Variants in RTTN observed in about 807,000 individuals in gnomAD.
The protein encoded by RTTN is rotatin.
A neutral mutation model predicts 269.2 loss-of-function variants in RTTN; 182 were observed. The ratio of observed to expected loss-of-function variants is 0.68; its 90% CI spans 0.60 to 0.76. RTTN has a LOEUF of 0.76. RTTN is among the 30% of genes least tolerant of loss of function. The pLI, the probability that RTTN is intolerant of heterozygous loss-of-function variation, is 0.00. For missense variants in RTTN, 2,545 were observed against 2,608.6 expected (o/e 0.98, Z 0.53); for synonymous variants, 1,006 against 963.5 (o/e 1.04, Z -0.82).
intron 10 of RTTN, among the ~76,000 whole-genome samples, chr18:70,185,990 A>G (rs767188414): frequency 2.0e-5 from 3 of 152,054 alleles, no homozygotes; most frequent in Non-Finnish European, 4.4e-5. Context: ...AAAATTACAA[A>G]AGATGCTCAT....
intron 43 of RTTN, 129 bp downstream of exon 43, chr18:70,028,595 C>A: frequency 1.8e-6 from 1 of 559,638 alleles, no homozygotes; most frequent in Non-Finnish European, 3.1e-6. Context: ...GTTTAAGGAC[C>A]AATCAACTGT....
rs751344541 is a variant in RTTN at position 70,145,778 on chromosome 18, C to T, written c.2315G>A (p.Arg772His). ...RLLLVKKPSV[R>H]SLALKLLAFH... ...TGCTAAAAGCTTTAATGCTAGCGAA[C>T]GGACCCTGAGAACACAAAGTACTTA... The change falls in exon 18 of 49, where the codon CGT (arginine) becomes CAT (histidine). Residue 772 changes from arginine to histidine, a missense_variant. Transcript: ENST00000640769. 5.6e-6 allele frequency: 9 copies of T among 1,604,658 alleles called. No homozygotes were observed. The highest frequency in any genetic ancestry group is 6.8e-6 in the Non-Finnish European group (8 of 1,176,932).
At chr18:70,170,240 G>C (rs1216774385) in intron 11 of RTTN, among the ~76,000 whole-genome samples, 1 of 152,162 alleles carries the variant, frequency 6.6e-6, no homozygotes, top group African/African-American at 2.4e-5. Context: ...CTATATGCCA[G>C]GTACCTCTCC....
chr18:70,059,846 T>G lies in RTTN; in HGVS notation c.4940+4A>C. ...ATGCCTCTCTAGGAGTATTTATCTC[T>G]TACCTACAGAGAAGTTCTATGAGAT... is the stretch of plus-strand genomic sequence containing the variant. On this transcript the variant is annotated splice_donor_region_variant and intron_variant, in intron 36 of 48. Coordinates refer to ENST00000640769, the MANE Select transcript of RTTN (RefSeq NM_173630.4). The G allele has an allele frequency of 6.3e-7, 1 of 1,583,324 alleles. No individual in the cohort carries two copies. The highest frequency in any genetic ancestry group is 8.6e-7 in the Non-Finnish European group (1 of 1,163,062).
intron 12 of RTTN, 32 bp downstream of exon 12, chr18:70,168,823 G>T (rs1290931790): frequency 2.0e-6 from 3 of 1,470,280 alleles, no homozygotes; most frequent in East Asian, 2.3e-5. Flanking sequence ...ATGTCAAAGG[G>T]ATTTAAAAGA....
In RTTN at chr18:70,069,527, A is replaced by T. The variant is rs547055044; in HGVS notation, c.4654-3605T>A. 2.0e-5 allele frequency among the ~76,000 whole-genome samples: 3 copies of T among 152,312 alleles called. No homozygotes were observed. In the South Asian group the frequency reaches 6.2e-4, roughly 32 times the overall value. On this transcript the variant is annotated intron_variant, in intron 34 of 48. Coordinates refer to ENST00000640769, the MANE Select transcript of RTTN (RefSeq NM_173630.4). ...TCCCTTTGAAATCACTGAAAATAGCAGAGTCATTTGCCATATCCAAGTAGA... is the reference window on the plus strand; with the variant it reads ...TCCCTTTGAAATCACTGAAAATAGCTGAGTCATTTGCCATATCCAAGTAGA...
At chr18:70,168,576 C>T (rs879149980) in intron 12 of RTTN, among the ~76,000 whole-genome samples, 1 of 152,122 alleles carries the variant, frequency 6.6e-6, no homozygotes, top group South Asian at 2.1e-4. Flanking sequence ...TAGAGGTACT[C>T]ATTATTAAAT....
At chr18:70,204,299 T>C (rs2062024840) in intron 2 of RTTN, 36 bp from the exon 3 acceptor site, 1 of 1,543,418 alleles carries the variant, frequency 6.5e-7, no homozygotes, top group Admixed American at 2.0e-5. Flanking sequence ...AGAATAACTG[T>C]ATCAAAATCT....
intron 26 of RTTN, among the ~76,000 whole-genome samples, chr18:70,118,126 A>T (rs1054502609): frequency 5.3e-5 from 8 of 152,056 alleles, no homozygotes; most frequent in African/African-American, 1.9e-4. Context: ...AAGGGCAGAT[A>T]CAAATGAAAT....
At chr18:70,192,669 CAAAAA>C (rs11313917) in intron 8 of RTTN, among the ~76,000 whole-genome samples, 3 of 89,872 alleles carry the variant, frequency 3.3e-5, no homozygotes, top group Admixed American at 1.1e-4. Context: ...GACCTTGTCT[CAAAAA>C]AAAAAAAAAA....
chr18:70,047,932 C>T (rs754628596), intron 40 of RTTN, 39 bp downstream of exon 40: 77 of 1,481,500 alleles, frequency 5.2e-5, no homozygotes, highest in Admixed American at 2.5e-4. Flanking sequence ...TTTATTTAAA[C>T]GCTAAATAAA....
At position 70,012,513 on chromosome 18, in the gene RTTN, A is replaced by G. The variant is rs544515708; in HGVS notation, c.6421+4894T>C. On this transcript the variant is annotated intron_variant, in intron 46 of 48. Coordinates refer to ENST00000640769, the MANE Select transcript of RTTN (RefSeq NM_173630.4). ...CAGTGTCTGCTCACTGGTATTGGTT[A>G]CAGGGCAGCGTCTGCTCACTGGTGT... Among the ~76,000 whole-genome samples the G allele has an allele frequency of 4.7e-4, 71 of 149,690 alleles. 1 individual carries two copies. The highest frequency in any genetic ancestry group is 1.6e-3 in the African/African-American group (66 of 40,418).
Position 70,086,668 on chromosome 18 carries a change from TGAA to T in RTTN, c.4316_4318del (p.Leu1439del). ...AGGCATTGGAATTACAAGGAGATTCTGAAGAATAAATGCCGCCTGAAAATGTAA... is the reference window on the plus strand; with the variant it reads ...AGGCATTGGAATTACAAGGAGATTCTGAATAAATGCCGCCTGAAAATGTAA... On this transcript the variant is annotated inframe_deletion, in exon 32 of 49. Coordinates refer to ENST00000640769, the MANE Select transcript of RTTN (RefSeq NM_173630.4). 1 of 1,338,702 alleles carries T rather than the reference TGAA, an allele frequency of 7.5e-7. No homozygotes were observed. The allele number at this position is 1,338,702 out of a possible 1,614,324, so 82.9% of individuals were successfully genotyped here.
intron 45 of RTTN, chr18:70,019,289 C>T (rs1324412001): frequency 1.3e-5 from 2 of 152,146 alleles, no homozygotes; most frequent in Admixed American, 6.6e-5. Context: ...TTGGCACTTA[C>T]ATTCCTTCTG....
At chr18:70,147,989 C>T (rs1427760208) in intron 17 of RTTN, among the ~76,000 whole-genome samples, 1 of 152,150 alleles carries the variant, frequency 6.6e-6, no homozygotes, top group Admixed American at 6.6e-5. Flanking sequence ...CTGGATCACC[C>T]ATAACATTAC....
At chr18:70,050,259 C>T (rs1318439562) in intron 39 of RTTN, among the ~76,000 whole-genome samples, 1 of 152,022 alleles carries the variant, frequency 6.6e-6, no homozygotes, top group African/African-American at 2.4e-5. Context: ...AAAAAGTGGG[C>T]GAAGGATACG....
chr18:70,179,921 G>A (rs938212033), intron 10 of RTTN, among the ~76,000 whole-genome samples: 1 of 151,980 alleles, frequency 6.6e-6, no homozygotes, highest in African/African-American at 2.4e-5. Context: ...GGAAAGGCAG[G>A]ACTACTCAGC....
intron 19 of RTTN, among the ~76,000 whole-genome samples, chr18:70,141,859 A>G (rs78283395): frequency 0.022 from 3,316 of 152,290 alleles, 52 homozygotes; most frequent in Middle Eastern, 0.041. Flanking sequence ...TATTTGATTA[A>G]TTTCCCTAAG....
intron 40 of RTTN, among the ~76,000 whole-genome samples, chr18:70,047,290 C>T (rs2057517606): frequency 6.6e-6 from 1 of 152,118 alleles, no homozygotes; most frequent in Non-Finnish European, 1.5e-5. Flanking sequence ...ATTCTAAATA[C>T]TGAAAAATCT....
Sources: gnomAD v4.1 joint callset for allele counts (sites outside exome capture counted in the v4.1 genomes callset) on GRCh38, gnomAD v4.1.1 for gene constraint, MANE v1.5 for transcripts, NCBI Gene and HGNC (gene_info 2026-07-23, HGNC 2026-07-21) for gene names.